Variants in ST7 observed in about 807,000 individuals in gnomAD.
The protein encoded by ST7 is suppression of tumorigenicity 7.
In ST7, 28 loss-of-function variants were observed where a neutral mutation model predicts 78.7. The observed-to-expected ratio is 0.36, with a 90% CI of 0.26 to 0.49. The LOEUF is 0.49. Among genes scored for constraint, ST7 ranks in the 20% least tolerant of loss-of-function variants. The probability of loss-of-function intolerance (pLI) is 0.99; values close to 1 mark genes in which losing one functional copy is unlikely to be tolerated. For synonymous variants in ST7, 247 were observed against 249.6 expected (o/e 0.99, Z 0.10); for missense variants, 418 against 696.0 (o/e 0.60, Z 4.49).
intron 1 of ST7, among the ~76,000 whole-genome samples, chr7:116,974,465 G>C (rs966597525): frequency 6.6e-6 from 1 of 151,804 alleles, no homozygotes; most frequent in Non-Finnish European, 1.5e-5. Flanking sequence ...CTAATTTTTT[G>C]TATTTTTAGT....
At chr7:117,046,116 G>C (rs1235555436) in intron 1 of ST7, among the ~76,000 whole-genome samples, 1 of 152,182 alleles carries the variant, frequency 6.6e-6, no homozygotes, top group African/African-American at 2.4e-5. Flanking sequence ...CAGCTTCCCT[G>C]TAAGTGGTAT....
At chr7:117,024,279 C>T (rs1383855191) in intron 1 of ST7, among the ~76,000 whole-genome samples, 1 of 152,152 alleles carries the variant, frequency 6.6e-6, no homozygotes, top group African/African-American at 2.4e-5. Flanking sequence ...TGATTTTGCA[C>T]TGCTGACATC....
In ST7 at chr7:117,031,758, A is replaced by ATG. The variant is rs757997777; in HGVS notation, c.152-68000_152-67999dup. Among the ~76,000 whole-genome samples, 798 of 108,338 alleles carry ATG rather than the reference A, an allele frequency of 7.4e-3. 331 individuals carry two copies. Among genetic ancestry groups the ATG allele is most frequent in the African/African-American group, 0.026 (772 of 30,024 alleles). 71.1% of individuals were successfully genotyped at this position (108,338 alleles called of 152,430 possible). A position where few individuals can be genotyped will look rare whatever the true frequency, so the allele number is the denominator to read the frequency against. ...CATATATGTGTATATATATGCATATATGTGTATATATATGCATATATGTGT... is the reference window on the plus strand; with the variant it reads ...CATATATGTGTATATATATGCATATATGTGTGTATATATATGCATATATGTGT... On this transcript the variant is annotated intron_variant, in intron 1 of 15. Transcript: ENST00000323984.
At chr7:117,038,563 A>G (rs1471059138) in intron 1 of ST7, among the ~76,000 whole-genome samples, 1 of 152,248 alleles carries the variant, frequency 6.6e-6, no homozygotes, top group Non-Finnish European at 1.5e-5. Flanking sequence ...ATTGAGGACA[A>G]TATTCTGCTC....
intron 1 of ST7, chr7:116,954,346 T>G (rs1376944428): frequency 1.3e-5 from 2 of 152,138 alleles, no homozygotes; most frequent in African/African-American, 4.8e-5. Flanking sequence ...GGATGACGTG[T>G]CAGGTCACCA....
chr7:117,029,161 A>T (rs1050332464), intron 1 of ST7, among the ~76,000 whole-genome samples: 6 of 152,146 alleles, frequency 3.9e-5, no homozygotes, highest in Non-Finnish European at 8.8e-5. Flanking sequence ...GCCATTGTTG[A>T]GAAACTGCCA....
At chr7:117,134,973 C>T (rs1804665847) in intron 7 of ST7, among the ~76,000 whole-genome samples, 1 of 152,060 alleles carries the variant, frequency 6.6e-6, no homozygotes, top group Admixed American at 6.6e-5. Flanking sequence ...GAAGTTCAGC[C>T]TCCTTTTCCT....
At chr7:117,140,483 G>C (rs2039706232) in intron 9 of ST7, among the ~76,000 whole-genome samples, 1 of 152,056 alleles carries the variant, frequency 6.6e-6, no homozygotes, top group African/African-American at 2.4e-5. Flanking sequence ...CTGACATATA[G>C]TAGGCATGCT....
At chr7:116,960,140 CTT>C (rs1208484155) in intron 1 of ST7, among the ~76,000 whole-genome samples, 1 of 152,010 alleles carries the variant, frequency 6.6e-6, no homozygotes, top group Non-Finnish European at 1.5e-5. Context: ...TTCCACCTCT[CTT>C]TTTCTAGATC....
At chr7:116,999,707 A>G (rs1424643921) in intron 1 of ST7, among the ~76,000 whole-genome samples, 3 of 152,188 alleles carry the variant, frequency 2.0e-5, no homozygotes, top group African/African-American at 7.2e-5. Flanking sequence ...CTTTGTTTAG[A>G]AGATACTGTA....
intron 12 of ST7, among the ~76,000 whole-genome samples, chr7:117,197,546 CCTT>C (rs1338314396): frequency 1.3e-5 from 2 of 152,156 alleles, no homozygotes; most frequent in Non-Finnish European, 2.9e-5. Context: ...GCAGACAACT[CCTT>C]CTTCACTATT....
At chr7:117,067,073 T>A (rs1798677636) in intron 1 of ST7, among the ~76,000 whole-genome samples, 1 of 152,152 alleles carries the variant, frequency 6.6e-6, no homozygotes, top group African/African-American at 2.4e-5. Context: ...GTAACATGTA[T>A]CAGTGCTCCG....
At chr7:116,980,227 G>T (rs1373170584) in intron 1 of ST7, among the ~76,000 whole-genome samples, 4 of 151,884 alleles carry the variant, frequency 2.6e-5, no homozygotes, top group African/African-American at 9.7e-5. Flanking sequence ...CAAAGTGCTG[G>T]GATTATAGCC....
chr7:116,975,211 ACTGCCCTT>A (rs1476306534), intron 1 of ST7, among the ~76,000 whole-genome samples: 8 of 152,088 alleles, frequency 5.3e-5, no homozygotes, highest in Non-Finnish European at 1.0e-4. Flanking sequence ...GTGCAGGGGA[ACTGCCCTT>A]TATAAAACCA....
At chr7:117,032,095 T>C (rs1796630391) in intron 1 of ST7, among the ~76,000 whole-genome samples, 1 of 151,902 alleles carries the variant, frequency 6.6e-6, no homozygotes, top group Non-Finnish European at 1.5e-5. Context: ...TTGACCAGGC[T>C]GGTCTCGAAT....
chr7:117,092,391 C>G (rs1324435420), intron 1 of ST7, among the ~76,000 whole-genome samples: 1 of 145,966 alleles, frequency 6.9e-6, no homozygotes, highest in East Asian at 2.1e-4. Flanking sequence ...TAGCGTTTGT[C>G]TGTCACAGGG....
At position 117,147,919 on chromosome 7, in the gene ST7, G is replaced by A. The variant is rs969519472; in HGVS notation, c.963+9387G>A. The stretch of plus-strand genomic sequence containing the variant: ...ATACATCATATGATATTGATTTGGG[G>A]AGAATTTATGGTCACTTCCCCTGAG... On this transcript the variant is annotated intron_variant, in intron 9 of 15. Transcript: ENST00000323984. Among the ~76,000 whole-genome samples, 3 of 152,046 alleles carry A rather than the reference G, an allele frequency of 2.0e-5. No individual in the cohort carries two copies. In the South Asian group the frequency reaches 6.2e-4, roughly 32 times the overall value.
intron 15 of ST7, chr7:117,224,023 G>C: frequency 2.4e-6 from 2 of 839,920 alleles, no homozygotes; most frequent in Non-Finnish European, 2.9e-6. Context: ...AAAGGGACCT[G>C]AAGCAAATTG....
intron 1 of ST7, among the ~76,000 whole-genome samples, chr7:117,071,092 G>T (rs1216273302): frequency 6.6e-6 from 1 of 151,908 alleles, no homozygotes; most frequent in African/African-American, 2.4e-5. Context: ...GGTGGCGGGC[G>T]CCTGTAGTCC....
Sources: allele counts gnomAD v4.1 joint callset (sites outside exome capture counted in the v4.1 genomes callset), GRCh38; gene constraint gnomAD v4.1.1; transcripts MANE v1.5; gene names NCBI Gene and HGNC (gene_info 2026-07-23, HGNC 2026-07-21).